Variants in EPHB1 observed in about 807,000 individuals in gnomAD.
EPHB1 encodes the protein EPH receptor B1.
A neutral mutation model predicts 94.4 loss-of-function variants in EPHB1; 30 were observed. The ratio of observed to expected loss-of-function variants is 0.32; its 90% confidence interval spans 0.24 to 0.43. EPHB1 has a LOEUF of 0.43. Ranked by LOEUF, EPHB1 falls within the 20% of genes least tolerant of loss-of-function variation. EPHB1 has a pLI of 1.00. For missense variants in EPHB1, 1,055 were observed against 1,308.3 expected (o/e 0.81, Z 2.99); for synonymous variants, 522 against 489.1 (o/e 1.07, Z -0.89).
intron 1 of EPHB1, among the ~76,000 whole-genome samples, chr3:134,887,027 G>T (rs558739688): frequency 3.3e-5 from 5 of 152,314 alleles, no homozygotes; most frequent in African/African-American, 1.2e-4. Flanking sequence ...GTTCTCCATT[G>T]CTGGGCAACA....
intron 12 of EPHB1, among the ~76,000 whole-genome samples, chr3:135,222,465 T>G (rs893332575): frequency 6.6e-6 from 1 of 152,092 alleles, no homozygotes; most frequent in Non-Finnish European, 1.5e-5. Flanking sequence ...TTGAAGCAAA[T>G]AGGGGCACGC....
intron 12 of EPHB1, among the ~76,000 whole-genome samples, chr3:135,214,645 T>G (rs1294629880): frequency 6.6e-6 from 1 of 152,190 alleles, no homozygotes; most frequent in Non-Finnish European, 1.5e-5. Flanking sequence ...ACACCCATTA[T>G]CCATTATTCC....
At chr3:135,185,833 G>C (rs938393735) in intron 10 of EPHB1, among the ~76,000 whole-genome samples, 3 of 152,202 alleles carry the variant, frequency 2.0e-5, no homozygotes, top group Admixed American at 2.0e-4. Flanking sequence ...CTTCTCTCTA[G>C]CAGTTTTGAA....
chr3:134,980,989 C>T (rs1934380815), intron 3 of EPHB1, among the ~76,000 whole-genome samples: 1 of 152,122 alleles, frequency 6.6e-6, no homozygotes, highest in South Asian at 2.1e-4. Flanking sequence ...CAACAGGTTC[C>T]TCTCCTTCAA....
Position 134,968,286 on chromosome 3 carries a change from A to G in EPHB1, c.805+16234A>G, listed in dbSNP as rs539125386. On this transcript the variant is annotated intron_variant, in intron 3 of 15. Transcript: ENST00000398015. ...GGTTTAAAAATGGATGTTGATGTCA[A>G]CATTTTTATTATTAAACAAGCCAGG... is the stretch of plus-strand genomic sequence containing the variant. Among the ~76,000 whole-genome samples the G allele has an allele frequency of 1.8e-3, 273 of 152,348 alleles. 1 individual carries two copies. Among genetic ancestry groups the G allele is most frequent in the African/African-American group, 6.3e-3 (261 of 41,582 alleles).
At chr3:135,005,680 G>T (rs1000710899) in intron 3 of EPHB1, among the ~76,000 whole-genome samples, 1 of 152,218 alleles carries the variant, frequency 6.6e-6, no homozygotes, top group South Asian at 2.1e-4. Flanking sequence ...TTTTAAGCCC[G>T]TCGGAAAAGC....
intron 3 of EPHB1, among the ~76,000 whole-genome samples, chr3:135,018,823 A>G (rs1935893806): frequency 6.6e-6 from 1 of 151,954 alleles, no homozygotes; most frequent in Non-Finnish European, 1.5e-5. Flanking sequence ...ATTTACTAAC[A>G]TGTTTTCAGT....
intron 1 of EPHB1, among the ~76,000 whole-genome samples, chr3:134,879,010 G>A (rs1226744939): frequency 1.3e-5 from 2 of 152,204 alleles, no homozygotes; most frequent in Admixed American, 1.3e-4. Context: ...ATAATCAGAG[G>A]GATGGAAAAG....
intron 15 of EPHB1, among the ~76,000 whole-genome samples, chr3:135,251,300 T>C (rs371646979): frequency 1.3e-5 from 2 of 152,060 alleles, no homozygotes; most frequent in Non-Finnish European, 2.9e-5. Flanking sequence ...GAGTGAAAAA[T>C]TGATGCCCCT....
At chr3:135,142,402 A>T (rs1215415579) in intron 5 of EPHB1, among the ~76,000 whole-genome samples, 1 of 152,214 alleles carries the variant, frequency 6.6e-6, no homozygotes, top group East Asian at 1.9e-4. Context: ...GATCACAAAT[A>T]TACCTCTGGT....
At chr3:134,937,893 G>A (rs930325397) in intron 2 of EPHB1, among the ~76,000 whole-genome samples, 1 of 149,668 alleles carries the variant, frequency 6.7e-6, no homozygotes, top group African/African-American at 2.5e-5. Context: ...ATAGTGACCA[G>A]CCAAGCACTG....
At chr3:134,959,966 CTTTTTTTTTTT>C (rs61369813) in intron 3 of EPHB1, among the ~76,000 whole-genome samples, 157 of 107,280 alleles carry the variant, frequency 1.5e-3, no homozygotes, top group African/African-American at 4.7e-3. Flanking sequence ...ACATCTGCAC[CTTTTTTTTTTT>C]TTTTTTTTTT....
At chr3:134,805,479 C>T (rs935215380) in intron 1 of EPHB1, among the ~76,000 whole-genome samples, 2 of 152,136 alleles carry the variant, frequency 1.3e-5, no homozygotes, top group Non-Finnish European at 2.9e-5. Flanking sequence ...TTGCTGGCTC[C>T]CTAGCACCTT....
At chr3:134,799,380 A>T (rs6778489) in intron 1 of EPHB1, among the ~76,000 whole-genome samples, 16,526 of 150,460 alleles carry the variant, frequency 0.11, 2,398 homozygotes, top group African/African-American at 0.35. Flanking sequence ...AAAGATTTTT[A>T]AAAATGTCTG....
At chr3:135,158,528 T>G (rs1941420538) in intron 6 of EPHB1, among the ~76,000 whole-genome samples, 1 of 152,152 alleles carries the variant, frequency 6.6e-6, no homozygotes, top group African/African-American at 2.4e-5. Flanking sequence ...CCTGAAAATC[T>G]TCCATGGGTC....
chr3:134,797,185 T>C (rs984959501), intron 1 of EPHB1, among the ~76,000 whole-genome samples: 1 of 152,190 alleles, frequency 6.6e-6, no homozygotes, highest in Non-Finnish European at 1.5e-5. Context: ...CCTCAGGGAC[T>C]GCTGGGCTTT....
intron 3 of EPHB1, among the ~76,000 whole-genome samples, chr3:135,049,895 G>GA (rs1674679360): frequency 6.6e-6 from 1 of 152,142 alleles, no homozygotes; most frequent in South Asian, 2.1e-4. Context: ...TTTCCTGTTG[G>GA]AAACATGAGA....
At chr3:135,133,110 A>G (rs897064188) in intron 5 of EPHB1, 61 bp downstream of exon 5, 175 of 1,486,482 alleles carry the variant, frequency 1.2e-4, no homozygotes, top group Non-Finnish European at 1.6e-4. Context: ...GTCTCTAGGC[A>G]GGGACACAGC....
chr3:134,990,856 A>T (rs995532148), intron 3 of EPHB1, among the ~76,000 whole-genome samples: 2 of 152,212 alleles, frequency 1.3e-5, no homozygotes, highest in Non-Finnish European at 2.9e-5. Context: ...CTGTATTGTT[A>T]CTTTGATCCA....
Sources: allele counts gnomAD v4.1 joint callset (sites outside exome capture counted in the v4.1 genomes callset), GRCh38; gene constraint gnomAD v4.1.1; transcripts MANE v1.5; gene names NCBI Gene and HGNC (gene_info 2026-07-23, HGNC 2026-07-21).